Variants in CCDC63 observed in about 807,000 individuals in gnomAD.
CCDC63 encodes the protein coiled-coil domain containing 63.
In CCDC63, 54 loss-of-function variants were observed where a neutral mutation model predicts 63.6. The observed-to-expected ratio is 0.85, with a 90% confidence interval of 0.68 to 1.07. The LOEUF (loss-of-function observed/expected upper bound fraction) is 1.07, where lower values mean the gene tolerates loss of function less well. Among genes scored for constraint, CCDC63 ranks in the 50% least tolerant of loss-of-function variants. The pLI is 0.00. For synonymous variants in CCDC63, 253 were observed against 266.1 expected (o/e 0.95, Z 0.48); for missense variants, 637 against 689.6 (o/e 0.92, Z 0.86).
intron 3 of CCDC63, 46 bp from the exon 4 acceptor site, chr12:110,858,540 T>G (rs758530044): frequency 1.3e-6 from 2 of 1,557,652 alleles, no homozygotes; most frequent in South Asian, 1.2e-5. Context: ...CTCCGTCAAG[T>G]TAAACTTAGG....
At chr12:110,900,205 T>C (rs2071469805) in intron 10 of CCDC63, among the ~76,000 whole-genome samples, 1 of 152,000 alleles carries the variant, frequency 6.6e-6, no homozygotes, top group Non-Finnish European at 1.5e-5. Flanking sequence ...AGAGCAAGAC[T>C]CTGTCTCAAG....
At chr12:110,850,468 G>A (rs1031038164) in intron 1 of CCDC63, among the ~76,000 whole-genome samples, 1 of 152,342 alleles carries the variant, frequency 6.6e-6, no homozygotes, top group African/African-American at 2.4e-5. Context: ...CAGGCTGGAC[G>A]TGGTGGTTCA....
chr12:110,883,640 T>C (rs7316264), intron 7 of CCDC63, among the ~76,000 whole-genome samples: 2 of 151,810 alleles, frequency 1.3e-5, no homozygotes, highest in African/African-American at 4.9e-5. Flanking sequence ...TGTTTGCTTG[T>C]TTGTTTGTTT....
intron 4 of CCDC63, among the ~76,000 whole-genome samples, chr12:110,869,088 C>T (rs2071028002): frequency 6.6e-6 from 1 of 152,220 alleles, no homozygotes; most frequent in African/African-American, 2.4e-5. Context: ...AATTAAAACT[C>T]AGGGATGCTA....
chr12:110,905,352 CTT>C (rs996539018), intron 11 of CCDC63, among the ~76,000 whole-genome samples: 1 of 152,158 alleles, frequency 6.6e-6, no homozygotes, highest in African/African-American at 2.4e-5. Context: ...GATCTTCCTT[CTT>C]TTCCAAGGTG....
chr12:110,875,506 G>A (rs1024854216), intron 5 of CCDC63, among the ~76,000 whole-genome samples: 3 of 151,694 alleles, frequency 2.0e-5, no homozygotes, highest in Non-Finnish European at 4.4e-5. Context: ...GCAGTGGCAC[G>A]ATCGTGGCTC....
intron 3 of CCDC63, among the ~76,000 whole-genome samples, chr12:110,855,611 C>G (rs2070760423): frequency 1.3e-5 from 2 of 151,904 alleles, no homozygotes; most frequent in Non-Finnish European, 2.9e-5. Flanking sequence ...GATGGAGTTT[C>G]GCTCTTGTTG....
intron 4 of CCDC63, 53 bp from the exon 5 acceptor site, chr12:110,873,789 T>G (rs2071095095): frequency 2.5e-6 from 4 of 1,600,716 alleles, no homozygotes; most frequent in African/African-American, 2.7e-5. Context: ...GTAGAACGGG[T>G]ACCCATACAG....
intron 4 of CCDC63, among the ~76,000 whole-genome samples, chr12:110,867,212 C>T (rs2070970365): frequency 1.5e-5 from 2 of 135,672 alleles, no homozygotes; most frequent in Non-Finnish European, 1.6e-5. Flanking sequence ...GGGCGGCTGG[C>T]CGGGCGGGGG....
intron 4 of CCDC63, among the ~76,000 whole-genome samples, chr12:110,865,477 AAAAAAG>A (rs2070934081): frequency 2.6e-5 from 4 of 151,588 alleles, no homozygotes; most frequent in African/African-American, 9.6e-5. Context: ...AAAAAAAAAA[AAAAAAG>A]AAAAAAGAAA....
chr12:110,862,146 G>A (rs560821856), intron 4 of CCDC63, among the ~76,000 whole-genome samples: 1 of 152,322 alleles, frequency 6.6e-6, no homozygotes, highest in East Asian at 1.9e-4. Context: ...AGGCAATAAA[G>A]GGAATAAAGA....
chr12:110,900,521 C>T (rs1460645033), intron 10 of CCDC63, among the ~76,000 whole-genome samples: 1 of 151,906 alleles, frequency 6.6e-6, no homozygotes, highest in Non-Finnish European at 1.5e-5. Flanking sequence ...TCAGAGAGGA[C>T]AGGGAGGGGC....
chr12:110,878,036 TA>T (rs1277111885), intron 5 of CCDC63, among the ~76,000 whole-genome samples: 1 of 152,048 alleles, frequency 6.6e-6, no homozygotes, highest in African/African-American at 2.4e-5. Flanking sequence ...AGTCCACATA[TA>T]AATGAGATCA....
chr12:110,850,743 A>G (rs2070695750), intron 1 of CCDC63, among the ~76,000 whole-genome samples: 1 of 152,210 alleles, frequency 6.6e-6, no homozygotes, highest in Non-Finnish European at 1.5e-5. Flanking sequence ...TTCTGTCTAA[A>G]AATAAGTAAA....
chr12:110,880,752 G>A (rs367991856), intron 6 of CCDC63, among the ~76,000 whole-genome samples: 7 of 468 alleles, frequency 0.015, no homozygotes, highest in Admixed American at 0.048. Context: ...GATGGTGATG[G>A]TGGTGATGAT....
chr12:110,899,479 C>T (rs1279523101), intron 10 of CCDC63, among the ~76,000 whole-genome samples: 3 of 152,054 alleles, frequency 2.0e-5, no homozygotes, highest in African/African-American at 4.8e-5. Flanking sequence ...CCACCATACA[C>T]GGCTGATTTT....
intron 11 of CCDC63, among the ~76,000 whole-genome samples, chr12:110,905,906 T>G (rs1264864280): frequency 4.9e-5 from 3 of 61,258 alleles, no homozygotes; most frequent in Non-Finnish European, 9.4e-5. Flanking sequence ...ATATATAATA[T>G]ATATTATATT....
At chr12:110,885,729 C>T (rs1251359395) in intron 8 of CCDC63, among the ~76,000 whole-genome samples, 3 of 152,190 alleles carry the variant, frequency 2.0e-5, no homozygotes, top group Non-Finnish European at 1.5e-5. Context: ...TTCTGCAGGC[C>T]CTGTCCTCTG....
chr12:110,880,329 CA>C (rs2071183219), intron 6 of CCDC63, among the ~76,000 whole-genome samples: 1 of 152,194 alleles, frequency 6.6e-6, no homozygotes. Context: ...CTGGAATGTG[CA>C]GGCTTAGAGA....
Sources: allele counts gnomAD v4.1 joint callset (sites outside exome capture counted in the v4.1 genomes callset), GRCh38; gene constraint gnomAD v4.1.1; transcripts MANE v1.5; gene names NCBI Gene and HGNC (gene_info 2026-07-23, HGNC 2026-07-21).